Variants in SLC36A1 observed in about 807,000 individuals in gnomAD.
SLC36A1 encodes solute carrier family 36 member 1.
Under a neutral mutation model 47.5 loss-of-function variants are expected in SLC36A1, and 30 were observed. That is an observed-to-expected ratio of 0.63 (90% CI 0.47 to 0.86). The LOEUF is 0.86. Among genes scored for constraint, SLC36A1 ranks in the 40% least tolerant of loss-of-function variants. The pLI, the probability that SLC36A1 is intolerant of heterozygous loss-of-function variation, is 0.00. For synonymous variants in SLC36A1, 255 were observed against 249.7 expected (o/e 1.02, Z -0.20); for missense variants, 517 against 606.0 (o/e 0.85, Z 1.54).
At chr5:151,506,268 G>A in the SLC36A1 span, among the ~76,000 whole-genome samples, 1 of 152,206 alleles carries the variant, frequency 6.6e-6, no homozygotes, top group African/African-American at 2.4e-5. Context: ...AGAATCCAAT[G>A]GGACAAGCTC....
the SLC36A1 span, among the ~76,000 whole-genome samples, chr5:151,351,414 C>G: frequency 6.6e-6 from 1 of 152,056 alleles, no homozygotes; most frequent in African/African-American, 2.4e-5. Context: ...CTGAGAACCC[C>G]TAAGTGGCCT....
chr5:151,482,043 C>T (rs1310324463), intron 10 of SLC36A1, among the ~76,000 whole-genome samples: 1 of 152,184 alleles, frequency 6.6e-6, no homozygotes, highest in Non-Finnish European at 1.5e-5. Flanking sequence ...ATGAAAATTT[C>T]AGAAACCTAT....
the SLC36A1 span, among the ~76,000 whole-genome samples, chr5:151,389,858 G>T: frequency 2.0e-5 from 3 of 151,856 alleles, no homozygotes; most frequent in African/African-American, 4.8e-5. Flanking sequence ...GAATAGTGCC[G>T]CAATAAACAT....
chr5:151,524,129 C>T, the SLC36A1 span, among the ~76,000 whole-genome samples: 1 of 152,126 alleles, frequency 6.6e-6, no homozygotes, highest in Non-Finnish European at 1.5e-5. Context: ...GAAAAATGAG[C>T]TTCCTGAGAC....
intron 1 of SLC36A1, among the ~76,000 whole-genome samples, chr5:151,453,456 G>A (rs1561728263): frequency 6.6e-6 from 1 of 151,816 alleles, no homozygotes; most frequent in Non-Finnish European, 1.5e-5. Context: ...TGTATTTCAA[G>A]TGTAAGATAG....
the SLC36A1 span, among the ~76,000 whole-genome samples, chr5:151,374,205 T>C: frequency 6.6e-6 from 1 of 152,196 alleles, no homozygotes; most frequent in Non-Finnish European, 1.5e-5. Flanking sequence ...AGAGTCCGTC[T>C]GGGTACTAGG....
intron 2 of SLC36A1, among the ~76,000 whole-genome samples, chr5:151,462,416 G>C (rs553060269): frequency 6.6e-6 from 1 of 151,536 alleles, no homozygotes; most frequent in East Asian, 2.0e-4. Context: ...CCAGGCTGGA[G>C]TGCAGTGGCA....
rs1292253473 is a variant in SLC36A1 at position 151,476,666 on chromosome 5, C to T, written c.899C>T (p.Thr300Ile). Residue 300 changes from threonine (T) to isoleucine (I), a missense_variant, in exon 9 of 11, where the codon ACC becomes ATC. Coordinates refer to ENST00000243389, the MANE Select transcript of SLC36A1 (RefSeq NM_078483.4). ...CTGTACCTGGGCATGGTCATCGTCA[C>T]CATCCTCTACATCAGCCTGGGGTGT... Reference protein sequence around the residue: ...LILYLGMVIVTILYISLGCLG... With the variant: ...LILYLGMVIVIILYISLGCLG... 1.2e-6 allele frequency: 2 copies of T among 1,613,522 alleles called. No individual in the cohort carries two copies. The highest frequency in any genetic ancestry group is 2.2e-5 in the East Asian group (1 of 44,876).
At chr5:151,434,016 G>T (rs1446884230), upstream of SLC36A1, among the ~76,000 whole-genome samples, 2 of 152,208 alleles carry the variant, frequency 1.3e-5, no homozygotes, top group Non-Finnish European at 2.9e-5. Flanking sequence ...ATCTACCATG[G>T]TGGTCCAGAA....
At chr5:151,422,392 A>C in the SLC36A1 span, among the ~76,000 whole-genome samples, 1 of 152,238 alleles carries the variant, frequency 6.6e-6, no homozygotes, top group African/African-American at 2.4e-5. Flanking sequence ...TTCAAACTCA[A>C]AGATAAGAAA....
the SLC36A1 span, among the ~76,000 whole-genome samples, chr5:151,426,790 G>T: frequency 1.3e-5 from 2 of 152,196 alleles, no homozygotes; most frequent in Admixed American, 6.5e-5. Context: ...GTCTCAGTGG[G>T]GAGAAACCTT....
the SLC36A1 span, among the ~76,000 whole-genome samples, chr5:151,396,158 A>C: frequency 6.7e-6 from 1 of 149,494 alleles, no homozygotes; most frequent in Non-Finnish European, 1.5e-5. Flanking sequence ...TATCATACAT[A>C]TATATATATT....
chr5:151,520,893 G>A, the SLC36A1 span, among the ~76,000 whole-genome samples: 2 of 152,218 alleles, frequency 1.3e-5, no homozygotes, highest in Non-Finnish European at 2.9e-5. Flanking sequence ...TTGATACATA[G>A]TACTGATGTA....
the SLC36A1 span, chr5:151,549,174 T>C: frequency 5.8e-6 from 5 of 862,440 alleles, no homozygotes; most frequent in Non-Finnish European, 9.0e-6. Flanking sequence ...TCTAGAATTA[T>C]TGTTTGCCAA....
the SLC36A1 span, among the ~76,000 whole-genome samples, chr5:151,352,513 A>G: frequency 7.2e-5 from 11 of 152,154 alleles, no homozygotes; most frequent in Non-Finnish European, 1.2e-4. Context: ...ACTTAGTGCC[A>G]TAAAACAACA....
the SLC36A1 span, among the ~76,000 whole-genome samples, chr5:151,355,514 C>T: frequency 0.012 from 1,895 of 152,204 alleles, 22 homozygotes; most frequent in Non-Finnish European, 0.016. Context: ...TGCTCACACA[C>T]GTATACCCCA....
chr5:151,417,038 C>T, the SLC36A1 span, among the ~76,000 whole-genome samples: 1 of 152,174 alleles, frequency 6.6e-6, no homozygotes, highest in Non-Finnish European at 1.5e-5. Context: ...CTTCCTGAGG[C>T]CTCCCCAACC....
intron 9 of SLC36A1, chr5:151,477,030 A>T: frequency 1.8e-6 from 1 of 554,024 alleles, no homozygotes; most frequent in Admixed American, 2.3e-5. Context: ...CCGAGTATCT[A>T]GTCCATTCAT....
the SLC36A1 span, among the ~76,000 whole-genome samples, chr5:151,538,530 C>T: frequency 6.6e-6 from 1 of 152,182 alleles, no homozygotes; most frequent in Non-Finnish European, 1.5e-5. Flanking sequence ...GAGGGAGTGG[C>T]AGAGGGGAAA....
Sources: gnomAD v4.1 joint callset for allele counts (sites outside exome capture counted in the v4.1 genomes callset) on GRCh38, gnomAD v4.1.1 for gene constraint, MANE v1.5 for transcripts, NCBI Gene and HGNC (gene_info 2026-07-23, HGNC 2026-07-21) for gene names.